GRK6: variants seen among roughly 807,000 people sequenced by gnomAD.
GRK6 encodes the protein G protein-coupled receptor kinase 6.
Under a neutral mutation model 80.8 loss-of-function variants are expected in GRK6, and 37 were observed. The ratio of observed to expected loss-of-function variants is 0.46; its 90% CI spans 0.35 to 0.60. The LOEUF is 0.60. Ranked by LOEUF, GRK6 falls within the 20% of genes least tolerant of loss-of-function variation. The pLI, the probability that GRK6 is intolerant of heterozygous loss-of-function variation, is 0.00. For synonymous variants in GRK6, 295 were observed against 320.9 expected (o/e 0.92, Z 0.86); for missense variants, 560 against 784.6 (o/e 0.71, Z 3.42).
intron 15 of GRK6, 33 bp from the exon 16 acceptor site, chr5:177,441,704 C>T (rs201928277): frequency 3.4e-4 from 535 of 1,551,966 alleles, no homozygotes; most frequent in Non-Finnish European, 4.5e-4. Context: ...CTCTGCCTCT[C>T]TCCCTCCCTC....
chr5:177,433,647 A>C lies in GRK6; in HGVS notation c.709A>C (p.Ile237Leu). The part of the protein sequence containing the change: ...GEAMALNEKQ[I>L]LEKVNSRFVV... ...GGCCATGGCGCTGAACGAGAAGCAG[A>C]TCCTGGAGAAAGTGAACAGTAGGTT... is the stretch of plus-strand genomic sequence containing the variant. The change falls in exon 8 of 16, where the codon ATC becomes CTC. Residue 237 changes from isoleucine to leucine, a missense_variant. Ile to Leu is a conservative substitution (Grantham distance 5, BLOSUM62 2). This residue lies in a region of GRK6 where 77 missense variants were observed against 156.9 expected (regional missense o/e 0.49). Coordinates refer to ENST00000355472, the MANE Select transcript of GRK6 (RefSeq NM_001004106.3). 1 of 1,614,112 alleles carries C rather than the reference A, an allele frequency of 6.2e-7. No individual in the cohort carries two copies. The highest frequency in any genetic ancestry group is 8.5e-7 in the Non-Finnish European group (1 of 1,180,024).
Position 177,433,259 on chromosome 5 carries a change from G to T in GRK6, c.533+20G>T. 6.2e-7 allele frequency: 1 copy of T among 1,613,820 alleles called. No homozygotes were observed. The highest frequency in any genetic ancestry group is 1.1e-5 in the South Asian group (1 of 91,084). ...GGAAAGGTGAGCTCCCTGAAGGCTG[G>T]GCCGGGACAGGCCAGGTCGCCGGGG... On this transcript the variant is annotated intron_variant, in intron 6 of 15. Transcript: ENST00000355472.
chr5:177,441,463 G>A (rs1764495006), intron 15 of GRK6: 6 of 646,334 alleles, frequency 9.3e-6, no homozygotes, highest in Non-Finnish European at 2.7e-6. Context: ...AGCCCCAGGG[G>A]AGAGGGCTGG....
chr5:177,440,931 G>A lies in GRK6; in HGVS notation c.1555G>A (p.Glu519Lys), dbSNP rs776339686. Residue 519 changes from glutamate (E) to lysine (K), a missense_variant, in exon 15 of 16, where the codon GAG becomes AAG. Glu to Lys is a moderately conservative substitution (Grantham distance 56). Around this residue, in one of 3 missense-constraint regions of GRK6, gnomAD observed 294 missense variants for 397.4 expected, o/e 0.74. Coordinates refer to ENST00000355472, the MANE Select transcript of GRK6 (RefSeq NM_001004106.3). ...TGCTCCTCAGCAGATGGTGGAGACC[G>A]AGTGCTTCCAAGAGCTGAATGTCTT... ...IPWQNEMVET[E>K]CFQELNVFGL... 4.3e-6 allele frequency: 7 copies of A among 1,614,008 alleles called. No individual in the cohort carries two copies. Among genetic ancestry groups the A allele is most frequent in the South Asian group, 2.2e-5 (2 of 91,080 alleles).
rs547881533 is a variant in GRK6 at position 177,440,430 on chromosome 5, C to T, written c.1405-270C>T. Among the ~76,000 whole-genome samples, 9 of 152,346 alleles carry T rather than the reference C, an allele frequency of 5.9e-5. No individual in the cohort carries two copies. The South Asian group carries it at 8.3e-4, about 14-fold the overall frequency. On this transcript the variant is annotated intron_variant, in intron 13 of 15. Transcript: ENST00000355472. Reference sequence around the variant, plus strand: ...GCATACCCAGGAAGCTGTGGGCAGGCGAAGGAGGTGCCTGGCATTGGCCTT... The same window carrying T: ...GCATACCCAGGAAGCTGTGGGCAGGTGAAGGAGGTGCCTGGCATTGGCCTT...
intron 5 of GRK6, 57 bp downstream of exon 5, chr5:177,432,863 G>C: frequency 7.4e-7 from 1 of 1,357,204 alleles, no homozygotes. Flanking sequence ...GGGCTTCTGG[G>C]GGCCAGGAAG....
At chr5:177,431,772 C>T (rs1188691417) in intron 2 of GRK6, 12 of 584,352 alleles carry the variant, frequency 2.1e-5, no homozygotes, top group African/African-American at 3.7e-5. Context: ...GCCAGACTCC[C>T]GGCTGTGTGA....
rs1017739977 is a variant in GRK6, at chr5:177,429,517, C to G, written c.53-1355C>G. Among the ~76,000 whole-genome samples, 1 of 152,176 alleles carries G rather than the reference C, an allele frequency of 6.6e-6. No individual in the cohort carries two copies. Among genetic ancestry groups the G allele is most frequent in the African/African-American group, 2.4e-5 (1 of 41,436 alleles). ...TTGAGGGGTGGGTGTCTGTTGCTCA[C>G]TCACAGTGAAGCAATGACTGCAGGG... is the stretch of plus-strand genomic sequence containing the variant. On this transcript the variant is annotated intron_variant, in intron 1 of 15. Transcript: ENST00000355472. This position sits in a 1 kb window ranked among gnomAD's most constrained non-coding sequence, Gnocchi z 4.3.
rs1458030273 is a variant in GRK6 at position 177,429,649 on chromosome 5, T to C, written c.53-1223T>C. Among the ~76,000 whole-genome samples, 2 of 152,116 alleles carry C rather than the reference T, an allele frequency of 1.3e-5. No individual in the cohort carries two copies. The highest frequency in any genetic ancestry group is 2.9e-5 in the Non-Finnish European group (2 of 67,996). On this transcript the variant is annotated intron_variant, in intron 1 of 15. Coordinates refer to ENST00000355472, the MANE Select transcript of GRK6 (RefSeq NM_001004106.3). The surrounding 1 kb of genome is among the most constrained non-coding windows in gnomAD (Gnocchi z 4.3). Reference sequence around the variant, plus strand: ...CATCTAGGGACCTAGCCTTGCCCCCTCCCTAGAAGGCAACTTCTGCCCTTG... The same window carrying C: ...CATCTAGGGACCTAGCCTTGCCCCCCCCCTAGAAGGCAACTTCTGCCCTTG...
In GRK6 at chr5:177,428,090, G is replaced by C. The variant is rs1046580218; in HGVS notation, c.52+1193G>C. ...AGCCCAGAAATGGCATGGCAGGCTG[G>C]GTCCTCATTGCCTGGGGAGCCTGTC... On this transcript the variant is annotated intron_variant, in intron 1 of 15. Transcript: ENST00000355472. The surrounding 1 kb of genome is among the most constrained non-coding windows in gnomAD (Gnocchi z 4.1). 3.3e-5 allele frequency among the ~76,000 whole-genome samples: 5 copies of C among 152,202 alleles called. No homozygotes were observed. Among genetic ancestry groups the C allele is most frequent in the Non-Finnish European group, 7.3e-5 (5 of 68,030 alleles).
rs568324548 is a variant in GRK6 at position 177,442,448 on chromosome 5, A to G, written c.*658A>G. The G allele has an allele frequency of 2.1e-4, 32 of 153,402 alleles. No homozygotes were observed. Among genetic ancestry groups the G allele is most frequent in the South Asian group, 1.0e-3 (5 of 4,894 alleles). 9.5% of individuals were successfully genotyped at this position (153,402 alleles called of 1,614,324 possible). On this transcript the variant is annotated 3_prime_UTR_variant, in exon 16 of 16. Coordinates refer to ENST00000355472, the MANE Select transcript of GRK6 (RefSeq NM_001004106.3). ...GCCCACTGCCCCGGCCGGCCCAGAT[A>G]GGTCTGCCTCTGCCTTCCAGCTCCC...
intron 5 of GRK6, 42 bp downstream of exon 5, chr5:177,432,848 G>A (rs774785965): frequency 1.5e-5 from 22 of 1,444,984 alleles, no homozygotes; most frequent in Admixed American, 3.6e-5. Flanking sequence ...TATGCCCAGC[G>A]GAGGGGGCTT....
Position 177,428,742 on chromosome 5 carries a change from T to C in GRK6, c.52+1845T>C, listed in dbSNP as rs928116319. Among the ~76,000 whole-genome samples the C allele has an allele frequency of 2.3e-4, 35 of 152,160 alleles. No homozygotes were observed. The highest frequency in any genetic ancestry group is 8.5e-4 in the African/African-American group (35 of 41,418). On this transcript the variant is annotated intron_variant, in intron 1 of 15. Coordinates refer to ENST00000355472, the MANE Select transcript of GRK6 (RefSeq NM_001004106.3). The surrounding 1 kb of genome is among the most constrained non-coding windows in gnomAD (Gnocchi z 4.1). ...CGACCTGCATGACTTTAAACATGTC[T>C]CTTCTTTCTCAACTTCAGTACCCCT...
chr5:177,438,322 C>T (rs1446873066), intron 13 of GRK6, among the ~76,000 whole-genome samples: 1 of 151,822 alleles, frequency 6.6e-6, no homozygotes, highest in African/African-American at 2.4e-5. Flanking sequence ...GAGTTGAGAT[C>T]GCGCATTGCA....
At chr5:177,437,387 G>C (rs1428577861) in intron 13 of GRK6, among the ~76,000 whole-genome samples, 2 of 152,166 alleles carry the variant, frequency 1.3e-5, no homozygotes, top group Non-Finnish European at 2.9e-5. Flanking sequence ...CTGCACCAAT[G>C]GGGGAGCTCA....
At chr5:177,431,200 G>A (rs1763875345) in intron 2 of GRK6, among the ~76,000 whole-genome samples, 2 of 152,232 alleles carry the variant, frequency 1.3e-5, no homozygotes, top group Admixed American at 6.5e-5. Flanking sequence ...TCGGGAATAG[G>A]GCAGGGGCAG....
At chr5:177,430,645 C>G in intron 1 of GRK6, 2 of 573,836 alleles carry the variant, frequency 3.5e-6, no homozygotes, top group Non-Finnish European at 3.2e-6. Context: ...CCGCAGCGAC[C>G]TCACTGCCTC....
chr5:177,435,174 C>A, intron 11 of GRK6, 53 bp downstream of exon 11: 1 of 1,313,410 alleles, frequency 7.6e-7, no homozygotes, highest in Non-Finnish European at 1.1e-6. Context: ...CACTATCCAC[C>A]CACCCAGCCA....
intron 12 of GRK6, 53 bp downstream of exon 12, chr5:177,436,334 T>TTGGCC: frequency 1.3e-6 from 2 of 1,556,034 alleles, no homozygotes; most frequent in African/African-American, 1.4e-5. Context: ...GATGCACCTT[T>TTGGCC]CCCTCCCTCC....
Sources: allele counts gnomAD v4.1 joint callset (sites outside exome capture counted in the v4.1 genomes callset), GRCh38; gene constraint gnomAD v4.1.1; regional missense constraint gnomAD v4.1.1; non-coding constraint Gnocchi (gnomAD v3.1); transcripts MANE v1.5; gene names NCBI Gene and HGNC (gene_info 2026-07-23, HGNC 2026-07-21).